SCG3: variants seen among roughly 807,000 people sequenced by gnomAD.
The protein encoded by SCG3 is secretogranin-3.
In SCG3, 38 loss-of-function variants were observed where a neutral mutation model predicts 56.2. That is an observed-to-expected ratio of 0.68 (90% CI 0.52 to 0.89). The LOEUF is 0.89. SCG3 is among the 40% of genes least tolerant of loss of function. The probability of loss-of-function intolerance (pLI) is 0.00; values close to 1 mark genes in which losing one functional copy is unlikely to be tolerated. For synonymous variants in SCG3, 176 were observed against 184.2 expected (o/e 0.96, Z 0.36); for missense variants, 524 against 540.7 (o/e 0.97, Z 0.31).
chr15:51,681,772 C>G lies in SCG3; in HGVS notation c.17C>G (p.Thr6Ser). Residue 6 changes from threonine to serine, a missense_variant, in exon 1 of 12, where the codon ACC becomes AGC. Thr to Ser is a moderately conservative substitution (Grantham distance 58, BLOSUM62 1). Coordinates refer to ENST00000220478, the MANE Select transcript of SCG3 (RefSeq NM_013243.4). MGFLG[T>S]GTWILVLVLP... is the part of the protein sequence containing the mutation. ...CGTGGAAGAATGGGGTTCCTCGGGA[C>G]CGGCACTTGGATTCTGGTGTTAGTG... 7 of 1,614,046 alleles carry G rather than the reference C, an allele frequency of 4.3e-6. No individual in the cohort carries two copies. Among genetic ancestry groups the G allele is most frequent in the Non-Finnish European group, 5.9e-6 (7 of 1,179,976 alleles).
chr15:51,701,725 G>A (rs1307884934), intron 10 of SCG3, among the ~76,000 whole-genome samples: 2 of 152,162 alleles, frequency 1.3e-5, no homozygotes, highest in African/African-American at 4.8e-5. Context: ...GGGCAACATG[G>A]AAAAACCTCA....
intron 10 of SCG3, among the ~76,000 whole-genome samples, chr15:51,704,251 A>ATATG (rs1369305067): frequency 8.3e-6 from 1 of 121,150 alleles, no homozygotes; most frequent in Non-Finnish European, 1.6e-5. Context: ...ATACATATAT[A>ATATG]TATATATATA....
intron 10 of SCG3, among the ~76,000 whole-genome samples, chr15:51,711,785 A>G (rs1364583673): frequency 6.6e-6 from 1 of 152,214 alleles, no homozygotes; most frequent in African/African-American, 2.4e-5. Flanking sequence ...CAACTATTGA[A>G]GTAAATAAGG....
At chr15:51,713,627 T>C (rs1217639298) in intron 11 of SCG3, among the ~76,000 whole-genome samples, 1 of 152,234 alleles carries the variant, frequency 6.6e-6, no homozygotes, top group Admixed American at 6.5e-5. Context: ...TCTTTTCTTT[T>C]ACGTTTTATT....
At chr15:51,699,551 C>T (rs7174890) in intron 9 of SCG3, 149 bp downstream of exon 9, 1 of 634,086 alleles carries the variant, frequency 1.6e-6, no homozygotes, top group South Asian at 2.1e-5. Flanking sequence ...TTAGATGTGA[C>T]CTTGGCTATT....
At chr15:51,704,236 C>CATATATATATATATAT (rs1338699360) in intron 10 of SCG3, among the ~76,000 whole-genome samples, 1 of 54,310 alleles carries the variant, frequency 1.8e-5, no homozygotes, top group African/African-American at 5.7e-5. Flanking sequence ...TGTATACATA[C>CATATATATATATATAT]ATACATACAT....
intron 10 of SCG3, among the ~76,000 whole-genome samples, chr15:51,704,972 A>C (rs1411374495): frequency 2.0e-5 from 3 of 151,724 alleles, no homozygotes; most frequent in East Asian, 3.8e-4. Flanking sequence ...GTTTCTCTAC[A>C]TCCTTGCCTA....
rs770510977 is a variant in SCG3, at chr15:51,692,272, A to G, written c.804A>G (p.Glu268=). 6.2e-7 allele frequency: 1 copy of G among 1,614,042 alleles called. No homozygotes were observed. Among genetic ancestry groups the G allele is most frequent in the East Asian group, 2.2e-5 (1 of 44,896 alleles). ...GLERRTKTYS[E]DNFEELQYFP... is the part of the protein sequence containing the mutation. ...AAAGGAGAACTAAAACCTACAGTGA[A>G]GACAACTTTGAGGAACTCCAATATT... is the stretch of plus-strand genomic sequence containing the variant. Residue 268 remains glutamate (E), a synonymous_variant, in exon 7 of 12, where the codon GAA becomes GAG. Transcript: ENST00000220478.
At chr15:51,688,666 GC>G (rs1382485213) in intron 5 of SCG3, among the ~76,000 whole-genome samples, 2 of 152,152 alleles carry the variant, frequency 1.3e-5, no homozygotes, top group Non-Finnish European at 2.9e-5. Flanking sequence ...TATCCAACTG[GC>G]AGTAAGGAAA....
intron 5 of SCG3, 115 bp downstream of exon 5, chr15:51,688,517 G>T: frequency 1.2e-6 from 1 of 868,600 alleles, no homozygotes; most frequent in Non-Finnish European, 1.7e-6. Context: ...CCTTCTACTA[G>T]GACCCGTAGG....
chr15:51,711,375 A>G (rs2055419786), intron 10 of SCG3, among the ~76,000 whole-genome samples: 1 of 152,264 alleles, frequency 6.6e-6, no homozygotes, highest in South Asian at 2.1e-4. Flanking sequence ...CAGAGAAGAT[A>G]GTAGAAAAAA....
intron 9 of SCG3, among the ~76,000 whole-genome samples, chr15:51,700,684 A>G (rs1423866717): frequency 1.3e-5 from 2 of 152,216 alleles, no homozygotes; most frequent in African/African-American, 4.8e-5. Context: ...GGGCAGCTAT[A>G]GAGTTATTAT....
chr15:51,713,263 C>A, intron 10 of SCG3, 70 bp from the exon 11 acceptor site: 1 of 1,005,362 alleles, frequency 9.9e-7, no homozygotes, highest in Non-Finnish European at 1.5e-6. Context: ...TCTGAACATA[C>A]GTGTGGTCTT....
chr15:51,709,112 A>G (rs959031405), intron 10 of SCG3, among the ~76,000 whole-genome samples: 1 of 152,244 alleles, frequency 6.6e-6, no homozygotes, highest in East Asian at 1.9e-4. Context: ...AGGAGGCCTC[A>G]GGAAACTTAT....
At chr15:51,690,757 C>T (rs901116292) in intron 6 of SCG3, among the ~76,000 whole-genome samples, 1 of 152,094 alleles carries the variant, frequency 6.6e-6, no homozygotes, top group Admixed American at 6.6e-5. Flanking sequence ...TCCTATTCAC[C>T]TATCTCTAAA....
intron 10 of SCG3, among the ~76,000 whole-genome samples, chr15:51,705,918 G>A (rs2055371950): frequency 6.6e-6 from 1 of 152,158 alleles, no homozygotes; most frequent in Non-Finnish European, 1.5e-5. Flanking sequence ...GTTCAGAGAT[G>A]TAATTTATTA....
chr15:51,687,724 T>C (rs2055238221), intron 4 of SCG3, among the ~76,000 whole-genome samples: 1 of 152,222 alleles, frequency 6.6e-6, no homozygotes, highest in South Asian at 2.1e-4. Flanking sequence ...TAGAAGTAAA[T>C]ATTTATTTTA....
chr15:51,708,868 A>AG (rs369403034), intron 10 of SCG3, among the ~76,000 whole-genome samples: 1 of 151,832 alleles, frequency 6.6e-6, no homozygotes, highest in Non-Finnish European at 1.5e-5. Flanking sequence ...AAAAAAAAAA[A>AG]GAAAACCACT....
chr15:51,695,247 T>C (rs1409927309), intron 7 of SCG3, among the ~76,000 whole-genome samples: 1 of 150,238 alleles, frequency 6.7e-6, no homozygotes, highest in Non-Finnish European at 1.5e-5. Flanking sequence ...AAACTAGAAC[T>C]ATATATGTTC....
Sources: gnomAD v4.1 joint callset for allele counts (sites outside exome capture counted in the v4.1 genomes callset) on GRCh38, gnomAD v4.1.1 for gene constraint, MANE v1.5 for transcripts, NCBI Gene and HGNC (gene_info 2026-07-23, HGNC 2026-07-21) for gene names.